RAB27B: variants seen among roughly 807,000 people sequenced by gnomAD.
RAB27B encodes ras-related protein Rab-27B.
A neutral mutation model predicts 24.6 loss-of-function variants in RAB27B; 15 were observed. The observed-to-expected ratio is 0.61, with a 90% CI of 0.41 to 0.94. RAB27B has a LOEUF of 0.94. RAB27B is among the 40% of genes least tolerant of loss of function. The pLI, the probability that RAB27B is intolerant of heterozygous loss-of-function variation, is 0.00. For synonymous variants in RAB27B, 105 were observed against 92.5 expected (o/e 1.14, Z -0.78); for missense variants, 261 against 266.8 (o/e 0.98, Z 0.15).
intron 2 of RAB27B, among the ~76,000 whole-genome samples, chr18:54,803,424 G>A (rs1909672198): frequency 6.6e-6 from 1 of 152,188 alleles, no homozygotes; most frequent in South Asian, 2.1e-4. Flanking sequence ...CAATCCCAAA[G>A]ATCCTTGAGA....
At chr18:54,833,567 A>G (rs1910777727) in intron 1 of RAB27B, among the ~76,000 whole-genome samples, 2 of 152,208 alleles carry the variant, frequency 1.3e-5, no homozygotes, top group African/African-American at 4.8e-5. Context: ...AATAGCCTTC[A>G]AAATGGAAGG....
rs111779594 is a variant in RAB27B, at chr18:54,860,906, C to A, written c.-19-16661C>A. 2.5e-3 allele frequency among the ~76,000 whole-genome samples: 376 copies of A among 152,296 alleles called. 4 individuals are homozygous for A. Among genetic ancestry groups the A allele is most frequent in the African/African-American group, 8.3e-3 (345 of 41,556 alleles). ...TCATAAAATGCTTCTTGTAAAATAT[C>A]CGCTAAAACAATGAATAGCCAACAT... is the stretch of plus-strand genomic sequence containing the variant. On this transcript the variant is annotated intron_variant, in intron 1 of 5. Transcript: ENST00000262094.
chr18:54,780,235 C>T (rs7228686), intron 2 of RAB27B, among the ~76,000 whole-genome samples: 126,693 of 131,752 alleles, frequency 0.96, 61,369 homozygotes, highest in East Asian at 1. Context: ...TCCAGACAAC[C>T]TCCCCCTCAC....
rs1206966109 is a variant in RAB27B, at chr18:54,889,405, A to T, written c.649A>T (p.Ile217Phe). The T allele has an allele frequency of 2.5e-6, 4 of 1,612,078 alleles. No homozygotes were observed. In the South Asian group the frequency reaches 4.4e-5, roughly 18 times the overall value. The change falls in exon 6 of 6, where the codon ATC (isoleucine) becomes TTC (phenylalanine). Residue 217 changes from isoleucine (I) to phenylalanine (F), a missense_variant. Coordinates refer to ENST00000262094, the MANE Select transcript of RAB27B (RefSeq NM_004163.4). ...DGEKPPEKKCIC is the reference protein window; with the variant it reads ...DGEKPPEKKCFC Reference sequence around the variant, plus strand: ...GGAAAAGCCACCAGAGAAGAAATGTATCTGCTAGACTCTACATAGAAACTG... The same window carrying T: ...GGAAAAGCCACCAGAGAAGAAATGTTTCTGCTAGACTCTACATAGAAACTG...
intron 2 of RAB27B, among the ~76,000 whole-genome samples, chr18:54,803,600 G>A (rs946808235): frequency 1.2e-4 from 18 of 152,278 alleles, no homozygotes; most frequent in East Asian, 1.2e-3. Context: ...AAATTACAGC[G>A]TAGTGCAAGC....
At chr18:54,811,432 G>A (rs1013574719) in intron 2 of RAB27B, among the ~76,000 whole-genome samples, 15 of 152,158 alleles carry the variant, frequency 9.9e-5, no homozygotes, top group African/African-American at 3.4e-4. Flanking sequence ...GGAGCTCCCA[G>A]GTCATAGGTA....
chr18:54,792,263 G>A (rs112415826), intron 2 of RAB27B, among the ~76,000 whole-genome samples: 3,337 of 152,166 alleles, frequency 0.022, 121 homozygotes, highest in African/African-American at 0.076. Context: ...TTTGAGCAGC[G>A]GGGTACTGAA....
At chr18:54,860,538 C>G (rs548404001) in intron 1 of RAB27B, among the ~76,000 whole-genome samples, 1 of 152,184 alleles carries the variant, frequency 6.6e-6, no homozygotes, top group African/African-American at 2.4e-5. Context: ...TCTGCCCACC[C>G]CACCAAACAT....
In RAB27B at chr18:54,893,254, T is replaced by C. The variant is rs1192050046; in HGVS notation, c.*3841T>C. On this transcript the variant is annotated 3_prime_UTR_variant, in exon 6 of 6. Coordinates refer to ENST00000262094, the MANE Select transcript of RAB27B (RefSeq NM_004163.4). The stretch of plus-strand genomic sequence containing the variant: ...GGGAAAAATCCTCATTCGTAAAGGA[T>C]TTTGGATGTATAATCTAAAACTCAA... 6.6e-6 allele frequency: 1 copy of C among 152,046 alleles called. No homozygotes were observed. The highest frequency in any genetic ancestry group is 1.5e-5 in the Non-Finnish European group (1 of 67,948). The allele number at this position is 152,046 out of a possible 1,614,324, so 9.4% of individuals were successfully genotyped here.
In RAB27B at chr18:54,819,845, C is replaced by T. The variant is rs373297967; in HGVS notation, c.-19-57722C>T. On this transcript the variant is annotated intron_variant, in intron 2 of 4. Transcript: ENST00000586570. Reference sequence around the variant, plus strand: ...TGCATGTATTCTAATTGTTCAATTCCCACCTATGAGTGAGAACATGCAGTG... The same window carrying T: ...TGCATGTATTCTAATTGTTCAATTCTCACCTATGAGTGAGAACATGCAGTG... Among the ~76,000 whole-genome samples the T allele has an allele frequency of 1.3e-3, 198 of 148,266 alleles. 5 individuals carry two copies. The South Asian group carries it at 0.037, about 27-fold the overall frequency.
intron 1 of RAB27B, among the ~76,000 whole-genome samples, chr18:54,845,877 C>T (rs1006474449): frequency 6.6e-6 from 1 of 152,068 alleles, no homozygotes; most frequent in African/African-American, 2.4e-5. Context: ...TTTGTGACCC[C>T]AGAATCAATA....
At chr18:54,811,055 T>G (rs1909948555) in intron 2 of RAB27B, among the ~76,000 whole-genome samples, 1 of 152,022 alleles carries the variant, frequency 6.6e-6, no homozygotes, top group South Asian at 2.1e-4. Flanking sequence ...TGAAAAAATA[T>G]AGCCTAATAT....
intron 2 of RAB27B, among the ~76,000 whole-genome samples, chr18:54,718,407 G>A (rs2083160174): frequency 6.6e-6 from 1 of 152,156 alleles, no homozygotes; most frequent in Non-Finnish European, 1.5e-5. Context: ...ATTTTGCTCA[G>A]GGCTGCAGAC....
chr18:54,866,080 G>T (rs1368461782), intron 1 of RAB27B, among the ~76,000 whole-genome samples: 1 of 150,486 alleles, frequency 6.6e-6, no homozygotes, highest in Middle Eastern at 3.2e-3. Context: ...TTATCAGTGA[G>T]AGTTTTATCA....
intron 2 of RAB27B, among the ~76,000 whole-genome samples, chr18:54,822,695 T>C (rs1009132858): frequency 1.3e-5 from 2 of 150,128 alleles, no homozygotes; most frequent in Admixed American, 6.6e-5. Context: ...TTATAACTTT[T>C]CTTCTCTTTA....
intron 1 of RAB27B, among the ~76,000 whole-genome samples, 172 bp from the exon 2 acceptor site, chr18:54,877,395 A>G (rs1912744911): frequency 6.6e-6 from 1 of 152,204 alleles, no homozygotes; most frequent in East Asian, 1.9e-4. Flanking sequence ...TGAGTAAAAC[A>G]TTAGATGTGC....
chr18:54,753,752 C>T (rs1598879980), intron 2 of RAB27B, among the ~76,000 whole-genome samples: 1 of 152,148 alleles, frequency 6.6e-6, no homozygotes. Context: ...ATGTTAATTG[C>T]TTGGTAATTT....
At chr18:54,888,875 G>A (rs1310866096) in intron 5 of RAB27B, among the ~76,000 whole-genome samples, 1 of 152,042 alleles carries the variant, frequency 6.6e-6, no homozygotes, top group Non-Finnish European at 1.5e-5. Flanking sequence ...TGAGTGGAAG[G>A]GAAGCAATAT....
At chr18:54,758,893 C>A (rs1158108234) in intron 2 of RAB27B, among the ~76,000 whole-genome samples, 1 of 152,040 alleles carries the variant, frequency 6.6e-6, no homozygotes, top group African/African-American at 2.4e-5. Flanking sequence ...CAATCCTGGG[C>A]CTCATTTAAA....
Sources: gnomAD v4.1 joint callset for allele counts (sites outside exome capture counted in the v4.1 genomes callset) on GRCh38, gnomAD v4.1.1 for gene constraint, MANE v1.5 for transcripts, NCBI Gene and HGNC (gene_info 2026-07-23, HGNC 2026-07-21) for gene names.